The following CRYBG3 variants were observed in gnomAD, a reference collection of about 807,000 sequenced individuals.
CRYBG3 encodes the protein very large A-kinase anchor protein.
A neutral mutation model predicts 244.2 loss-of-function variants in CRYBG3; 127 were observed. That is an observed-to-expected ratio of 0.52 (90% confidence interval 0.45 to 0.60). The LOEUF (loss-of-function observed/expected upper bound fraction) is 0.60. CRYBG3 is among the 20% of genes least tolerant of loss of function. CRYBG3 has a pLI of 0.00. For missense variants in CRYBG3, 3,325 were observed against 3,442.5 expected (o/e 0.97, Z 0.85); for synonymous variants, 1,132 against 1,195.8 (o/e 0.95, Z 1.10).
At chr3:97,890,253 C>T (rs1423441560) in intron 10 of CRYBG3, among the ~76,000 whole-genome samples, 1 of 152,172 alleles carries the variant, frequency 6.6e-6, no homozygotes, top group Non-Finnish European at 1.5e-5. Flanking sequence ...GCTGCACTCC[C>T]AGAGATACTG....
At chr3:97,856,228 C>T (rs1028940207) in intron 2 of CRYBG3, among the ~76,000 whole-genome samples, 4 of 152,130 alleles carry the variant, frequency 2.6e-5, no homozygotes, top group South Asian at 2.1e-4. Flanking sequence ...GGCTCTGTTC[C>T]GCCCAGCTCA....
In CRYBG3 at chr3:97,944,538, T is replaced by C. The variant is rs2040306262; in HGVS notation, c.*1224T>C. ...AGAATGTAAAATAACAATGACTATT[T>C]TAAACTCGAAGACCCACTATTTTGA... On this transcript the variant is annotated 3_prime_UTR_variant, in exon 22 of 22. Transcript: ENST00000389622. 6.6e-6 allele frequency: 1 copy of C among 152,370 alleles called. No individual in the cohort carries two copies. The highest frequency in any genetic ancestry group is 1.5e-5 in the Non-Finnish European group (1 of 67,902). The allele number at this position is 152,370 out of a possible 1,614,324, so 9.4% of individuals were successfully genotyped here.
chr3:97,900,368 A>AG, intron 14 of CRYBG3, 85 bp from the exon 15 acceptor site: 1 of 865,626 alleles, frequency 1.2e-6, no homozygotes, highest in Non-Finnish European at 1.8e-6. Flanking sequence ...AGAAAAAAAA[A>AG]TTTTTTTCAA....
In CRYBG3 at chr3:97,873,613, G is replaced by A; in HGVS notation, c.2419G>A (p.Ala807Thr). Residue 807 changes from alanine to threonine, a missense_variant, in exon 4 of 22, where the codon GCC becomes ACC. Ala to Thr is a moderately conservative substitution (Grantham distance 58, BLOSUM62 0). Coordinates refer to ENST00000389622, the MANE Select transcript of CRYBG3 (RefSeq NM_153605.4). ...IEKSDSLSLE[A>T]KTANIVSKAE... Reference sequence around the variant, plus strand: ...GAAGTCTGATTCTCTTTCCTTGGAAGCCAAAACTGCTAACATTGTATCAAA... The same window carrying A: ...GAAGTCTGATTCTCTTTCCTTGGAAACCAAAACTGCTAACATTGTATCAAA... 6.5e-7 allele frequency: 1 copy of A among 1,534,438 alleles called. No individual in the cohort carries two copies. Among genetic ancestry groups the A allele is most frequent in the Non-Finnish European group, 8.7e-7 (1 of 1,146,286 alleles).
At chr3:97,926,296 T>C (rs1458925197) in intron 17 of CRYBG3, among the ~76,000 whole-genome samples, 4 of 152,078 alleles carry the variant, frequency 2.6e-5, no homozygotes, top group Non-Finnish European at 5.9e-5. Flanking sequence ...ATTTATTACA[T>C]AAACAGAACT....
chr3:97,912,175 A>G lies in CRYBG3; in HGVS notation c.8013A>G (p.Ala2671=), dbSNP rs2039880115. ...TGTTGTTGTTCTTGTAGCTCAAAGC[A>G]TTCAGCAAACCAGGGTTCCAAGGTG... The part of the protein sequence containing the change: ...GINEPPHLLK[A]FSKPGFQGEC... Residue 2671 remains alanine, a synonymous_variant, in exon 16 of 22, where the codon GCA becomes GCG. Coordinates refer to ENST00000389622, the MANE Select transcript of CRYBG3 (RefSeq NM_153605.4). 6.3e-7 allele frequency: 1 copy of G among 1,591,094 alleles called. No individual in the cohort carries two copies. The highest frequency in any genetic ancestry group is 8.6e-7 in the Non-Finnish European group (1 of 1,166,842).
chr3:97,929,835 C>T (rs2040079048), intron 17 of CRYBG3, among the ~76,000 whole-genome samples: 1 of 151,864 alleles, frequency 6.6e-6, no homozygotes, highest in South Asian at 2.1e-4. Flanking sequence ...TTCTCAATAT[C>T]CCTGCATCAT....
intron 1 of CRYBG3, among the ~76,000 whole-genome samples, chr3:97,835,164 GAAC>G (rs2038714555): frequency 6.6e-6 from 1 of 152,032 alleles, no homozygotes; most frequent in Non-Finnish European, 1.5e-5. Context: ...ATAATTATTA[GAAC>G]AACTTAGTCG....
chr3:97,906,766 G>GC (rs2039779504), intron 15 of CRYBG3, among the ~76,000 whole-genome samples: 5 of 151,992 alleles, frequency 3.3e-5, no homozygotes, highest in African/African-American at 1.2e-4. Context: ...GCCCTGGCCA[G>GC]AACTTCCAAC....
Position 97,875,427 on chromosome 3 carries a change from T to C in CRYBG3, c.4233T>C (p.Ser1411=), listed in dbSNP as rs148062639. 58 of 1,397,228 alleles carry C rather than the reference T, an allele frequency of 4.2e-5. 2 individuals are homozygous for C. The African/African-American group carries it at 4.4e-4, about 11-fold the overall frequency. The allele number at this position is 1,397,228 out of a possible 1,614,324, so 86.6% of individuals were successfully genotyped here. Residue 1411 remains serine (S), a synonymous_variant, in exon 4 of 22, where the codon TCT becomes TCC. Coordinates refer to ENST00000389622, the MANE Select transcript of CRYBG3 (RefSeq NM_153605.4). ...AATCCCTATTTTCTGGAAATGGATC[T>C]GGACTGTCTGATAGTATAAATTTGC... is the stretch of plus-strand genomic sequence containing the variant. ...YQKSLFSGNG[S]GLSDSINLQE...
At position 97,931,031 on chromosome 3, in the gene CRYBG3, T is replaced by G. The variant is rs544182948; in HGVS notation, c.8242-2663T>G. On this transcript the variant is annotated intron_variant, in intron 17 of 21. Coordinates refer to ENST00000389622, the MANE Select transcript of CRYBG3 (RefSeq NM_153605.4). ...GAACATCCTTTTTGCCTTGCAGTAT[T>G]CAGCTTCTCTCTATTCCACTAACGC... Among the ~76,000 whole-genome samples the G allele has an allele frequency of 2.2e-4, 34 of 152,162 alleles. No homozygotes were observed. In the South Asian group the frequency reaches 7.0e-3, roughly 32 times the overall value.
chr3:97,842,114 C>T (rs922015520), intron 1 of CRYBG3, among the ~76,000 whole-genome samples: 1 of 152,088 alleles, frequency 6.6e-6, no homozygotes. Context: ...CTGAGTTTTG[C>T]AAAGAACCTG....
In CRYBG3 at chr3:97,943,372, C is replaced by A; in HGVS notation, c.*58C>A. 1 of 989,576 alleles carries A rather than the reference C, an allele frequency of 1.0e-6. No homozygotes were observed. The highest frequency in any genetic ancestry group is 1.4e-5 in the South Asian group (1 of 73,148). 61.3% of individuals were successfully genotyped at this position (989,576 alleles called of 1,614,324 possible). A position where few individuals can be genotyped will look rare whatever the true frequency, so the allele number is the denominator to read the frequency against. On this transcript the variant is annotated 3_prime_UTR_variant, in exon 22 of 22. Coordinates refer to ENST00000389622, the MANE Select transcript of CRYBG3 (RefSeq NM_153605.4). ...AGAGCAAAGAAGGAAACACATCTGT[C>A]ATTGTCTTGTGGACGTGGAAAGGAA...
chr3:97,930,652 C>G (rs1170809121), intron 17 of CRYBG3, among the ~76,000 whole-genome samples: 1 of 152,078 alleles, frequency 6.6e-6, no homozygotes, highest in Non-Finnish European at 1.5e-5. Flanking sequence ...TAAATCTGTA[C>G]TGTCCAACAC....
chr3:97,930,295 G>A (rs899945118), intron 17 of CRYBG3, among the ~76,000 whole-genome samples: 2 of 152,024 alleles, frequency 1.3e-5, no homozygotes, highest in Non-Finnish European at 2.9e-5. Flanking sequence ...AAGTAGATGT[G>A]TGTAAAAAGG....
rs773750813 is a variant in CRYBG3 at position 97,877,702 on chromosome 3, C to G, written c.6508C>G (p.Arg2170Gly). The G allele has an allele frequency of 3.1e-6, 5 of 1,613,782 alleles. No individual in the cohort carries two copies. The highest frequency in any genetic ancestry group is 2.2e-5 in the South Asian group (2 of 91,064). ...KGDLRAGSGE[R>G]VTFQLPDPSI... Reference sequence around the variant, plus strand: ...AGATCTGAGAGCTGGAAGTGGGGAGCGTGTTACCTTCCAGTTGCCAGATCC... The same window carrying G: ...AGATCTGAGAGCTGGAAGTGGGGAGGGTGTTACCTTCCAGTTGCCAGATCC... The change falls in exon 4 of 22, where the codon CGT (arginine) becomes GGT (glycine). Residue 2170 changes from arginine (R) to glycine (G), a missense_variant. By Grantham distance (125) the Arg-to-Gly change is moderately radical. Around this residue, in one of 4 missense-constraint regions of CRYBG3, gnomAD observed 450 missense variants for 424.1 expected, o/e 1.06. Coordinates refer to ENST00000389622, the MANE Select transcript of CRYBG3 (RefSeq NM_153605.4).
Position 97,869,292 on chromosome 3 carries a change from C to A in CRYBG3, c.648-2550C>A, listed in dbSNP as rs145493719. On this transcript the variant is annotated intron_variant, in intron 3 of 21. Transcript: ENST00000389622. Reference sequence around the variant, plus strand: ...CAAATTAAATGTTTAATCTTATTATCATATAGCTTACTTTGAATAAAACAT... The same window carrying A: ...CAAATTAAATGTTTAATCTTATTATAATATAGCTTACTTTGAATAAAACAT... 6.1e-3 allele frequency among the ~76,000 whole-genome samples: 934 copies of A among 152,068 alleles called. 11 individuals are homozygous for A. The highest frequency in any genetic ancestry group is 0.021 in the African/African-American group (859 of 41,488).
At chr3:97,911,240 G>C (rs546797061) in intron 15 of CRYBG3, among the ~76,000 whole-genome samples, 3 of 152,352 alleles carry the variant, frequency 2.0e-5, no homozygotes, top group East Asian at 3.9e-4. Flanking sequence ...AGCATGAGCA[G>C]ATGGTTTGTT....
chr3:97,835,630 G>A (rs184487200), intron 1 of CRYBG3, among the ~76,000 whole-genome samples: 1 of 152,176 alleles, frequency 6.6e-6, no homozygotes, highest in African/African-American at 2.4e-5. Context: ...GTGTTTATAT[G>A]TGTGTGTAAA....
Sources: gnomAD v4.1 joint callset for allele counts (sites outside exome capture counted in the v4.1 genomes callset) on GRCh38, gnomAD v4.1.1 for gene constraint, gnomAD v4.1.1 regional missense constraint, MANE v1.5 for transcripts, NCBI Gene and HGNC (gene_info 2026-07-23, HGNC 2026-07-21) for gene names.